Variants in PCDH15 observed in about 807,000 individuals in gnomAD.
The protein encoded by PCDH15 is protocadherin-15.
A neutral mutation model predicts 178.5 loss-of-function variants in PCDH15; 129 were observed. The observed-to-expected ratio is 0.72, with a 90% CI of 0.63 to 0.84. The LOEUF (loss-of-function observed/expected upper bound fraction) is 0.84. Among genes scored for constraint, PCDH15 ranks in the 40% least tolerant of loss-of-function variants. The probability of loss-of-function intolerance (pLI) is 0.00; values close to 1 mark genes in which losing one functional copy is unlikely to be tolerated. For synonymous variants in PCDH15, 800 were observed against 732.0 expected, an observed-to-expected ratio of 1.09 and a Z score of -1.50; for missense variants, 2,230 against 2,099.9, an observed-to-expected ratio of 1.06 and a Z score of -1.21.
At chr10:54,146,909 G>GTATATATATAGTGTA (rs1564530130) in intron 14 of PCDH15, among the ~76,000 whole-genome samples, 2 of 141,994 alleles carry the variant, frequency 1.4e-5, no homozygotes, top group Non-Finnish European at 3.0e-5. Context: ...TATATATAGT[G>GTATATATATAGTGTA]TATATATATA....
intron 2 of PCDH15, among the ~76,000 whole-genome samples, chr10:54,944,670 C>T (rs1838149325): frequency 6.6e-6 from 1 of 151,856 alleles, no homozygotes; most frequent in Non-Finnish European, 1.5e-5. Flanking sequence ...TTATTGTTTA[C>T]CCCTCTCAGG....
chr10:54,925,804 T>G (rs1388767792), intron 2 of PCDH15, among the ~76,000 whole-genome samples: 1 of 152,058 alleles, frequency 6.6e-6, no homozygotes, highest in African/African-American at 2.4e-5. Context: ...GTATCCTGAG[T>G]TTTTGCTGAA....
intron 2 of PCDH15, among the ~76,000 whole-genome samples, chr10:54,567,046 C>T (rs190429142): frequency 6.6e-6 from 1 of 152,126 alleles, no homozygotes; most frequent in East Asian, 1.9e-4. Context: ...GTAGTGTTAT[C>T]TCATTATTAT....
chr10:55,161,366 C>A (rs11814356), intron 2 of PCDH15, among the ~76,000 whole-genome samples: 1 of 152,036 alleles, frequency 6.6e-6, no homozygotes, highest in African/African-American at 2.4e-5. Flanking sequence ...AAAACTACCT[C>A]TGCATAATAT....
In PCDH15 at chr10:55,420,236, A is replaced by G. The variant is rs147722745; in HGVS notation, c.-156+207389T>C. ...GTTTTACTGGAGAGCAGACATTTCC[A>G]TTTGTTACATATTATCTATAGTTGC... On this transcript the variant is annotated intron_variant, in intron 2 of 5. Transcript: ENST00000613346. Among the ~76,000 whole-genome samples the G allele has an allele frequency of 2.5e-3, 375 of 151,794 alleles. 4 individuals carry two copies. Among genetic ancestry groups the G allele is most frequent in the African/African-American group, 8.8e-3 (367 of 41,484 alleles).
chr10:55,527,015 G>T (rs763561959), intron 2 of PCDH15, among the ~76,000 whole-genome samples: 16 of 152,030 alleles, frequency 1.1e-4, no homozygotes, highest in Non-Finnish European at 2.2e-4. Context: ...GGCAAGCATT[G>T]CTTAAATTAG....
intron 1 of PCDH15, among the ~76,000 whole-genome samples, chr10:55,296,590 T>TA (rs1445262641): frequency 2.0e-5 from 3 of 152,196 alleles, no homozygotes; most frequent in Non-Finnish European, 4.4e-5. Context: ...CAGGAAGTTA[T>TA]AAGGGTTTTA....
chr10:55,329,498 G>A (rs1392763693), intron 2 of PCDH15, among the ~76,000 whole-genome samples: 6 of 151,684 alleles, frequency 4.0e-5, no homozygotes, highest in African/African-American at 1.4e-4. Flanking sequence ...TTTTTAGATA[G>A]GACATGAATT....
intron 1 of PCDH15, among the ~76,000 whole-genome samples, chr10:54,761,578 G>C (rs1947877661): frequency 6.6e-6 from 1 of 152,180 alleles, no homozygotes; most frequent in South Asian, 2.1e-4. Flanking sequence ...AGCTACTCGG[G>C]AGGCTGAGAC....
At chr10:55,595,163 G>A (rs117968499) in intron 2 of PCDH15, among the ~76,000 whole-genome samples, 2,835 of 151,990 alleles carry the variant, frequency 0.019, 40 homozygotes, top group Middle Eastern at 0.044. Context: ...AATCATAATG[G>A]TATAGTATGA....
At chr10:55,087,837 C>A (rs529373506) in intron 2 of PCDH15, among the ~76,000 whole-genome samples, 65 of 152,136 alleles carry the variant, frequency 4.3e-4, no homozygotes, top group Non-Finnish European at 7.1e-4. Flanking sequence ...ATAACAAATT[C>A]ATAGTGTAAT....
chr10:53,832,081 C>G (rs1171255629), intron 29 of PCDH15, among the ~76,000 whole-genome samples: 1 of 150,912 alleles, frequency 6.6e-6, no homozygotes, highest in Non-Finnish European at 1.5e-5. Context: ...AGTAAACATT[C>G]TCAAGTTTCA....
chr10:54,224,156 T>G (rs2053186336), intron 9 of PCDH15, among the ~76,000 whole-genome samples: 1 of 152,198 alleles, frequency 6.6e-6, no homozygotes, highest in African/African-American at 2.4e-5. Flanking sequence ...AGATGTGTGG[T>G]AATTCCTCAG....
intron 2 of PCDH15, among the ~76,000 whole-genome samples, chr10:55,484,893 A>T (rs551800247): frequency 6.6e-6 from 1 of 151,770 alleles, no homozygotes; most frequent in Non-Finnish European, 1.5e-5. Context: ...TTCGAAATGA[A>T]TAAGAGTTAA....
At chr10:55,066,829 G>T (rs369377993) in intron 2 of PCDH15, among the ~76,000 whole-genome samples, 1 of 151,176 alleles carries the variant, frequency 6.6e-6, no homozygotes, top group Non-Finnish European at 1.5e-5. Flanking sequence ...ATTTGTGAGT[G>T]AATAAAGTTC....
At chr10:54,875,446 A>C (rs900123966) in intron 3 of PCDH15, among the ~76,000 whole-genome samples, 11 of 152,154 alleles carry the variant, frequency 7.2e-5, no homozygotes, top group Non-Finnish European at 1.5e-5. Context: ...TTTCAAACCT[A>C]GAAATAACTA....
intron 1 of PCDH15, among the ~76,000 whole-genome samples, chr10:55,272,567 G>A (rs1382951307): frequency 6.6e-6 from 1 of 151,762 alleles, no homozygotes; most frequent in African/African-American, 2.4e-5. Flanking sequence ...ATTGTTAGTA[G>A]AGACGTGGTT....
intron 4 of PCDH15, among the ~76,000 whole-genome samples, chr10:54,375,879 G>T (rs964852863): frequency 4.0e-5 from 4 of 101,128 alleles, no homozygotes; most frequent in Admixed American, 8.9e-5. Flanking sequence ...TTTTGAAACG[G>T]AATATATATA....
At chr10:54,137,424 T>A (rs12263106) in intron 14 of PCDH15, among the ~76,000 whole-genome samples, 2,346 of 152,240 alleles carry the variant, frequency 0.015, 73 homozygotes, top group African/African-American at 0.054. Context: ...TCCATAAATA[T>A]AAATACATAT....
Sources: allele counts gnomAD v4.1 joint callset (sites outside exome capture counted in the v4.1 genomes callset), GRCh38; gene constraint gnomAD v4.1.1; transcripts MANE v1.5; gene names NCBI Gene and HGNC (gene_info 2026-07-23, HGNC 2026-07-21).